Variants in CEP128 observed in about 807,000 individuals in gnomAD.
CEP128 encodes centrosomal protein 128kDa.
CEP128 carries 132 observed loss-of-function variants against 156.7 expected under a neutral mutation model. The observed-to-expected ratio is 0.84, with a 90% CI of 0.73 to 0.97. The LOEUF is 0.97. Ranked by LOEUF, CEP128 falls within the 50% of genes least tolerant of loss-of-function variation. CEP128 has a pLI of 0.00. For missense variants in CEP128, 1,252 were observed against 1,281.9 expected (o/e 0.98, Z 0.36); for synonymous variants, 469 against 448.9 (o/e 1.04, Z -0.57).
chr14:80,901,930 A>G (rs1171194021), intron 6 of CEP128, among the ~76,000 whole-genome samples: 1 of 152,200 alleles, frequency 6.6e-6, no homozygotes, highest in African/African-American at 2.4e-5. Context: ...ACGGCTCTAC[A>G]TAATCTCAGC....
At chr14:80,714,191 A>G (rs1897516383) in intron 19 of CEP128, among the ~76,000 whole-genome samples, 1 of 152,320 alleles carries the variant, frequency 6.6e-6, no homozygotes, top group East Asian at 1.9e-4. Flanking sequence ...TCACTAAACA[A>G]GGCCATGTTT....
intron 20 of CEP128, among the ~76,000 whole-genome samples, chr14:80,568,463 A>T (rs1337189945): frequency 2.0e-5 from 3 of 151,784 alleles, no homozygotes; most frequent in African/African-American, 7.2e-5. Flanking sequence ...GAACTAATGC[A>T]CAAGGAACAT....
At chr14:80,537,511 T>G (rs1889538904) in intron 21 of CEP128, among the ~76,000 whole-genome samples, 1 of 152,112 alleles carries the variant, frequency 6.6e-6, no homozygotes, top group Non-Finnish European at 1.5e-5. Context: ...GAGGACTAGT[T>G]TAATGTTCTC....
At chr14:80,769,617 T>C (rs327471) in intron 16 of CEP128, among the ~76,000 whole-genome samples, 6,911 of 152,270 alleles carry the variant, frequency 0.045, 523 homozygotes, top group African/African-American at 0.16. Flanking sequence ...TAGTATTCCA[T>C]GGTGTATATG....
In CEP128 at chr14:80,635,100, G is replaced by GAAATA. The variant is rs1349888413; in HGVS notation, c.2807-54678_2807-54677insTATTT. Among the ~76,000 whole-genome samples the GAAATA allele has an allele frequency of 1.7e-4, 26 of 151,994 alleles. 1 individual carries two copies. Among genetic ancestry groups the GAAATA allele is most frequent in the African/African-American group, 5.8e-4 (24 of 41,380 alleles). ...TTCTCTCTGATCAATCCCTTTATTT[G>GAAATA]GCCTGCTCGTTCTAGCTACCTATAA... On this transcript the variant is annotated intron_variant, in intron 19 of 24. Transcript: ENST00000555265.
At chr14:80,681,447 C>T (rs1362365086) in intron 19 of CEP128, among the ~76,000 whole-genome samples, 1 of 152,124 alleles carries the variant, frequency 6.6e-6, no homozygotes, top group Non-Finnish European at 1.5e-5. Flanking sequence ...AATTCAAAGG[C>T]CAGACATGGT....
chr14:80,482,109 A>AT (rs146627195), intron 14 of CEP128, among the ~76,000 whole-genome samples: 3,435 of 150,168 alleles, frequency 0.023, 138 homozygotes, highest in African/African-American at 0.079. Context: ...AGAGAATCTT[A>AT]TTTTTTTTTT....
intron 19 of CEP128, among the ~76,000 whole-genome samples, chr14:80,711,295 T>TTGTGTGTG (rs138953286): frequency 0.025 from 3,621 of 145,800 alleles, 92 homozygotes; most frequent in African/African-American, 0.059. Context: ...TAAGACTATG[T>TTGTGTGTG]TGTGTGTGTG....
chr14:80,713,081 A>G (rs1350735746), intron 19 of CEP128, among the ~76,000 whole-genome samples: 1 of 152,168 alleles, frequency 6.6e-6, no homozygotes, highest in Non-Finnish European at 1.5e-5. Context: ...CCTTGTTACC[A>G]ATAACAATAA....
chr14:80,604,707 T>C (rs1023107584), intron 19 of CEP128, among the ~76,000 whole-genome samples: 1 of 152,134 alleles, frequency 6.6e-6, no homozygotes, highest in African/African-American at 2.4e-5. Flanking sequence ...ACTTTTATTA[T>C]AGTATTTATT....
rs1259253588 is a variant in CEP128 at position 80,750,986 on chromosome 14, CTCTT to C, written c.2613+5902_2613+5905del. ...TATAAGAAGAAGAGATAGCAGAACT[CTCTT>C]TCTCTTCCAGCCTCACAGAAGGAAG... On this transcript the variant is annotated intron_variant, in intron 18 of 24. Transcript: ENST00000555265. 2.6e-5 allele frequency among the ~76,000 whole-genome samples: 4 copies of C among 152,274 alleles called. No homozygotes were observed. The East Asian group carries it at 5.8e-4, about 22-fold the overall frequency.
intron 2 of CEP128, among the ~76,000 whole-genome samples, chr14:80,929,448 G>A (rs1885330112): frequency 6.6e-6 from 1 of 152,154 alleles, no homozygotes; most frequent in Non-Finnish European, 1.5e-5. Context: ...ATTCACAATT[G>A]CAACGATATG....
intron 19 of CEP128, among the ~76,000 whole-genome samples, chr14:80,691,613 A>C (rs761162852): frequency 3.2e-4 from 48 of 152,184 alleles, no homozygotes; most frequent in Non-Finnish European, 5.0e-4. Flanking sequence ...CAGCTTTAAA[A>C]ATATCCAAGC....
At chr14:80,925,406 G>C (rs988792966) in intron 2 of CEP128, among the ~76,000 whole-genome samples, 15 of 150,592 alleles carry the variant, frequency 1.0e-4, no homozygotes, top group African/African-American at 2.7e-4. Context: ...TGAAAAGAAG[G>C]GTTTCAAAAA....
At chr14:80,562,737 T>G (rs1282208170) in intron 20 of CEP128, among the ~76,000 whole-genome samples, 7 of 148,272 alleles carry the variant, frequency 4.7e-5, no homozygotes, top group Admixed American at 6.8e-5. Flanking sequence ...CAGAGCTTAC[T>G]GCAGCCTATA....
At chr14:80,706,316 C>T (rs952987802) in intron 19 of CEP128, among the ~76,000 whole-genome samples, 2 of 152,084 alleles carry the variant, frequency 1.3e-5, no homozygotes, top group Non-Finnish European at 2.9e-5. Context: ...GCCCAGTTTT[C>T]CACAATGGCA....
chr14:80,904,054 C>T (rs1447949138), intron 6 of CEP128, among the ~76,000 whole-genome samples: 2 of 152,096 alleles, frequency 1.3e-5, no homozygotes, highest in African/African-American at 4.8e-5. Flanking sequence ...TTCATTGCAG[C>T]ATTATTCACA....
At position 80,497,087 on chromosome 14, in the gene CEP128, T is replaced by C. The variant is rs1234132822; in HGVS notation, c.*392A>G. On this transcript the variant is annotated 3_prime_UTR_variant, in exon 25 of 25. Transcript: ENST00000555265. ...ATATAAATGCTCCCTGAATCTAAAG[T>C]GCTGGCAACTTTTGCCTCAAGGGAA... 5.9e-6 allele frequency: 1 copy of C among 169,170 alleles called. No individual in the cohort carries two copies. The highest frequency in any genetic ancestry group is 2.4e-5 in the African/African-American group (1 of 41,568). 10.5% of individuals were successfully genotyped at this position (169,170 alleles called of 1,614,324 possible).
intron 21 of CEP128, among the ~76,000 whole-genome samples, chr14:80,557,647 T>A (rs1890492532): frequency 6.6e-6 from 1 of 152,196 alleles, no homozygotes; most frequent in Non-Finnish European, 1.5e-5. Context: ...TAGTGTACTT[T>A]CTAAATGGCC....
Sources: allele counts gnomAD v4.1 joint callset (sites outside exome capture counted in the v4.1 genomes callset), GRCh38; gene constraint gnomAD v4.1.1; transcripts MANE v1.5; gene names NCBI Gene and HGNC (gene_info 2026-07-23, HGNC 2026-07-21).